Variants in SEPTIN7 observed in about 807,000 individuals in gnomAD.
SEPTIN7 encodes septin 7.
Under a neutral mutation model 63.3 loss-of-function variants are expected in SEPTIN7, and 10 were observed. That is an observed-to-expected ratio of 0.16 (90% CI 0.10 to 0.27). The LOEUF (loss-of-function observed/expected upper bound fraction) is 0.27, where lower values mean the gene tolerates loss of function less well. SEPTIN7 is among the 10% of genes least tolerant of loss of function. The pLI is 1.00. For synonymous variants in SEPTIN7, 131 were observed against 165.3 expected, an observed-to-expected ratio of 0.79 and a Z score of 1.59; for missense variants, 310 against 521.0, an observed-to-expected ratio of 0.59 and a Z score of 3.94.
chr7:35,913,387 ATCTT>A, the SEPTIN7 span, among the ~76,000 whole-genome samples: 13,977 of 138,844 alleles, frequency 0.1, 880 homozygotes, highest in Non-Finnish European at 0.15. Context: ...CTTTCTTTTT[ATCTT>A]TCTTTCTTTC....
At chr7:35,870,435 A>T (rs1273286774) in intron 4 of SEPTIN7, among the ~76,000 whole-genome samples, 1 of 152,232 alleles carries the variant, frequency 6.6e-6, no homozygotes, top group East Asian at 1.9e-4. Flanking sequence ...GAGATGATTC[A>T]TGTAGATTTA....
intron 1 of SEPTIN7, among the ~76,000 whole-genome samples, chr7:35,810,562 A>C (rs1255720444): frequency 1.3e-5 from 2 of 152,122 alleles, no homozygotes; most frequent in African/African-American, 4.8e-5. Context: ...TGACCTCATG[A>C]TCCGCCCGCC....
intron 13 of SEPTIN7, among the ~76,000 whole-genome samples, chr7:35,903,443 T>C (rs191952599): frequency 0.023 from 3,503 of 152,306 alleles, 52 homozygotes; most frequent in South Asian, 0.052. Flanking sequence ...TTCATAATTA[T>C]GATTTAGCAA....
chr7:35,844,558 A>G (rs1784562275), intron 3 of SEPTIN7, among the ~76,000 whole-genome samples: 2 of 152,182 alleles, frequency 1.3e-5, no homozygotes, highest in Admixed American at 6.5e-5. Flanking sequence ...GACCCTGGAC[A>G]GATCACTTTG....
chr7:35,874,668 T>C (rs1786365303), intron 6 of SEPTIN7, among the ~76,000 whole-genome samples: 1 of 152,090 alleles, frequency 6.6e-6, no homozygotes, highest in African/African-American at 2.4e-5. Context: ...GGCTTCTTGC[T>C]CTCTTTTACT....
At chr7:35,864,299 T>C (rs1257613583) in intron 4 of SEPTIN7, among the ~76,000 whole-genome samples, 1 of 152,128 alleles carries the variant, frequency 6.6e-6, no homozygotes, top group Non-Finnish European at 1.5e-5. Flanking sequence ...CCTGTTAAAT[T>C]TAGTTCTTCT....
intron 3 of SEPTIN7, among the ~76,000 whole-genome samples, chr7:35,846,324 C>T (rs1784664814): frequency 6.6e-6 from 1 of 152,176 alleles, no homozygotes; most frequent in Non-Finnish European, 1.5e-5. Flanking sequence ...CCACCACACA[C>T]ACACTTTTTT....
intron 11 of SEPTIN7, among the ~76,000 whole-genome samples, chr7:35,895,891 A>T (rs1243021786): frequency 1.3e-5 from 2 of 152,164 alleles, no homozygotes; most frequent in Non-Finnish European, 2.9e-5. Flanking sequence ...GCTCACTGCA[A>T]CCTCTGCCTC....
intron 2 of SEPTIN7, chr7:35,832,254 C>T (rs1169262236): frequency 1.2e-5 from 4 of 343,916 alleles, no homozygotes; most frequent in Non-Finnish European, 2.2e-5. Context: ...TTGAATGATA[C>T]TGTAGCTGGT....
At chr7:35,841,849 T>TAAGAA (rs1784421116) in intron 3 of SEPTIN7, among the ~76,000 whole-genome samples, 1 of 152,210 alleles carries the variant, frequency 6.6e-6, no homozygotes, top group Non-Finnish European at 1.5e-5. Flanking sequence ...GCTCTTTCTT[T>TAAGAA]CTCCATAATG....
At chr7:35,870,129 T>C (rs1786056037) in intron 4 of SEPTIN7, among the ~76,000 whole-genome samples, 1 of 152,228 alleles carries the variant, frequency 6.6e-6, no homozygotes, top group Admixed American at 6.5e-5. Flanking sequence ...ATCTCTTCCA[T>C]ATGTCGCTGA....
intron 1 of SEPTIN7, among the ~76,000 whole-genome samples, chr7:35,829,264 C>T (rs138891596): frequency 2.0e-5 from 3 of 151,538 alleles, no homozygotes; most frequent in Non-Finnish European, 2.9e-5. Context: ...CTCAGCCTCC[C>T]GAATGGCTGG....
intron 3 of SEPTIN7, among the ~76,000 whole-genome samples, chr7:35,837,690 G>A (rs922126560): frequency 6.6e-6 from 1 of 152,028 alleles, no homozygotes; most frequent in Non-Finnish European, 1.5e-5. Context: ...TTCCTAAAAC[G>A]TGGTATCTTA....
intron 10 of SEPTIN7, among the ~76,000 whole-genome samples, chr7:35,889,017 G>A (rs1562581187): frequency 6.6e-6 from 1 of 152,118 alleles, no homozygotes; most frequent in Admixed American, 6.6e-5. Context: ...GATGCAAAAG[G>A]TAATGGCATG....
chr7:35,819,521 G>A (rs1579255), intron 1 of SEPTIN7, among the ~76,000 whole-genome samples: 73,433 of 151,880 alleles, frequency 0.48, 19,444 homozygotes, highest in African/African-American at 0.71. Flanking sequence ...TGTTTTACCC[G>A]TTATTGAAAG....
chr7:35,884,122 T>C (rs772119501), intron 9 of SEPTIN7, 135 bp downstream of exon 9: 8 of 504,742 alleles, frequency 1.6e-5, no homozygotes, highest in African/African-American at 3.9e-5. Context: ...GATTTCAGGT[T>C]CTTGTAGTCT....
At chr7:35,913,603 C>CCTTCCTTA in the SEPTIN7 span, among the ~76,000 whole-genome samples, 1 of 146,574 alleles carries the variant, frequency 6.8e-6, no homozygotes, top group Non-Finnish European at 1.5e-5. Context: ...TTCCTTCCTT[C>CCTTCCTTA]TTTCCTTCCT....
chr7:35,884,691 T>G (rs1359110123), intron 9 of SEPTIN7, among the ~76,000 whole-genome samples: 2 of 152,184 alleles, frequency 1.3e-5, no homozygotes, highest in Admixed American at 6.5e-5. Flanking sequence ...ATCCACAGTC[T>G]TCTTTCCTCA....
intron 4 of SEPTIN7, among the ~76,000 whole-genome samples, chr7:35,865,360 A>G (rs1434883082): frequency 1.3e-5 from 2 of 152,168 alleles, no homozygotes; most frequent in African/African-American, 4.8e-5. Context: ...TGCTTTCTCC[A>G]TAGATAAATT....
Sources: gnomAD v4.1 joint callset for allele counts (sites outside exome capture counted in the v4.1 genomes callset) on GRCh38, gnomAD v4.1.1 for gene constraint, MANE v1.5 for transcripts, NCBI Gene and HGNC (gene_info 2026-07-23, HGNC 2026-07-21) for gene names.